Variants in LARP4 observed in about 807,000 individuals in gnomAD.
LARP4 encodes la-related protein 4.
A neutral mutation model predicts 92.9 loss-of-function variants in LARP4; 29 were observed. The observed-to-expected ratio is 0.31, with a 90% CI of 0.23 to 0.43. LARP4 has a LOEUF of 0.43. Ranked by LOEUF, LARP4 falls within the 20% of genes least tolerant of loss-of-function variation. LARP4 has a pLI of 1.00. For missense variants in LARP4, 732 were observed against 860.0 expected (o/e 0.85, Z 1.86); for synonymous variants, 279 against 284.1 (o/e 0.98, Z 0.18).
At chr12:50,467,386 G>A (rs1956284166) in intron 13 of LARP4, among the ~76,000 whole-genome samples, 1 of 151,008 alleles carries the variant, frequency 6.6e-6, no homozygotes. Context: ...TACCTCCTTG[G>A]TTCAAGTGAT....
At chr12:50,421,161 G>A in intron 1 of LARP4, 1 of 246,562 alleles carries the variant, frequency 4.1e-6, no homozygotes, top group Non-Finnish European at 6.4e-6. Context: ...ATGTTGGCTA[G>A]GCTGGTCTCG....
chr12:50,428,962 G>A lies in LARP4; in HGVS notation c.194G>A (p.Cys65Tyr). Residue 65 changes from cysteine (C) to tyrosine (Y), a missense_variant, in exon 3 of 16, where the codon TGT becomes TAT. Cys to Tyr is a radical substitution (Grantham distance 194). Transcript: ENST00000398473. ...AATGCAGAGCTCTCAGAAGATATATGTAAAGAATATGAAGTAATGTATTCT... is the reference window on the plus strand; with the variant it reads ...AATGCAGAGCTCTCAGAAGATATATATAAAGAATATGAAGTAATGTATTCT... The part of the protein sequence containing the change: ...EGNAELSEDI[C>Y]KEYEVMYSSS... The A allele has an allele frequency of 6.2e-7, 1 of 1,600,692 alleles. No homozygotes were observed. Among genetic ancestry groups the A allele is most frequent in the African/African-American group, 1.3e-5 (1 of 74,654 alleles).
chr12:50,425,454 A>G (rs1231970528), intron 1 of LARP4, among the ~76,000 whole-genome samples: 2 of 152,216 alleles, frequency 1.3e-5, no homozygotes, highest in Admixed American at 1.3e-4. Context: ...GTATGTAAAT[A>G]CATGCATTTT....
intron 5 of LARP4, 96 bp from the exon 6 acceptor site, chr12:50,437,639 T>C: frequency 1.5e-6 from 1 of 664,316 alleles, no homozygotes; most frequent in South Asian, 2.3e-5. Flanking sequence ...TCTGCAAATT[T>C]ACTCAGTTGG....
intron 12 of LARP4, among the ~76,000 whole-genome samples, chr12:50,463,963 C>G (rs1201927950): frequency 6.6e-6 from 1 of 152,106 alleles, no homozygotes; most frequent in East Asian, 1.9e-4. Flanking sequence ...TGCCATACAT[C>G]CTCTGAAATT....
intron 1 of LARP4, among the ~76,000 whole-genome samples, chr12:50,413,055 C>T (rs1946178213): frequency 6.6e-6 from 1 of 151,950 alleles, no homozygotes; most frequent in Non-Finnish European, 1.5e-5. Context: ...AACCCCGTCT[C>T]TACTAAAAAT....
chr12:50,438,528 C>A (rs1199543858), intron 6 of LARP4, among the ~76,000 whole-genome samples: 1 of 151,604 alleles, frequency 6.6e-6, no homozygotes, highest in African/African-American at 2.4e-5. Context: ...CAGGACTAAC[C>A]CTATTGTTCA....
Position 50,454,386 on chromosome 12 carries a change from A to G in LARP4, c.1090A>G (p.Met364Val), listed in dbSNP as rs775616209. 1.2e-5 allele frequency: 20 copies of G among 1,613,448 alleles called. No homozygotes were observed. The highest frequency in any genetic ancestry group is 1.3e-5 in the African/African-American group (1 of 74,908). The change falls in exon 10 of 16, where the codon ATG becomes GTG. Residue 364 changes from methionine to valine, a missense_variant. Around this residue, in one of 7 missense-constraint regions of LARP4, gnomAD observed 264 missense variants for 269.5 expected, o/e 0.98. Transcript: ENST00000398473. ...PGSYKTNAAA[M>V]NMGRPFQKNR... ...ATCTTATAAAACAAATGCTGCTGCT[A>G]TGAATATGGGTCGACCATTCCAAAA...
intron 5 of LARP4, 117 bp downstream of exon 5, chr12:50,435,741 G>T (rs1950306501): frequency 9.4e-5 from 62 of 662,040 alleles, no homozygotes; most frequent in South Asian, 4.7e-4. Flanking sequence ...TTATTTTGTT[G>T]TTTTGTTCCG....
At chr12:50,438,268 G>A (rs555464499) in intron 6 of LARP4, among the ~76,000 whole-genome samples, 1 of 152,202 alleles carries the variant, frequency 6.6e-6, no homozygotes, top group East Asian at 1.9e-4. Flanking sequence ...GGAGGCTGAG[G>A]CAGGCGGATC....
rs1454913593 is a variant in LARP4, at chr12:50,454,357, C to T, written c.1061C>T (p.Pro354Leu). ...AGTTTTGTGAATGGCTTTAATTCGC[C>T]AGGATCTTATAAAACAAATGCTGCT... The part of the protein sequence containing the change: ...NGSFVNGFNS[P>L]GSYKTNAAAM... Residue 354 changes from proline (P) to leucine (L), a missense_variant, in exon 10 of 16, where the codon CCA (proline) becomes CTA (leucine). Around this residue, in one of 7 missense-constraint regions of LARP4, gnomAD observed 264 missense variants for 269.5 expected, o/e 0.98. Transcript: ENST00000398473. 6.2e-7 allele frequency: 1 copy of T among 1,613,402 alleles called. No individual in the cohort carries two copies. The highest frequency in any genetic ancestry group is 1.7e-5 in the Admixed American group (1 of 59,898).
At chr12:50,454,495 G>T (rs1953861461) in intron 10 of LARP4, 78 bp downstream of exon 10, 38 of 1,055,530 alleles carry the variant, frequency 3.6e-5, no homozygotes, top group Non-Finnish European at 5.2e-5. Flanking sequence ...AATGTTTGTT[G>T]TCAGGCTCAG....
chr12:50,460,303 G>A (rs945171556), intron 10 of LARP4, among the ~76,000 whole-genome samples: 45 of 152,008 alleles, frequency 3.0e-4, no homozygotes, highest in African/African-American at 7.5e-4. Flanking sequence ...ATTTTCCCCC[G>A]TCTCTCCAAA....
chr12:50,401,219 G>A (rs759458111), intron 1 of LARP4, 191 bp downstream of exon 1: 61 of 683,422 alleles, frequency 8.9e-5, no homozygotes, highest in Non-Finnish European at 1.0e-4. Context: ...GAAGCTATGG[G>A]AGGTGAGGCC....
chr12:50,430,825 C>T (rs1949541465), intron 4 of LARP4, among the ~76,000 whole-genome samples: 1 of 151,922 alleles, frequency 6.6e-6, no homozygotes, highest in Admixed American at 6.6e-5. Context: ...CCATGCCCAG[C>T]TAATATTTGT....
chr12:50,430,570 G>A lies in LARP4; in HGVS notation c.398G>A (p.Arg133Gln), dbSNP rs1306719325. 6.3e-7 allele frequency: 1 copy of A among 1,577,158 alleles called. No homozygotes were observed. Among genetic ancestry groups the A allele is most frequent in the Non-Finnish European group, 8.7e-7 (1 of 1,150,744 alleles). The change falls in exon 4 of 16, where the codon CGA becomes CAA. Residue 133 changes from arginine to glutamine, a missense_variant and splice_region_variant. Physicochemically the swap from Arg to Gln is conservative, Grantham distance 43. Coordinates refer to ENST00000398473, the MANE Select transcript of LARP4 (RefSeq NM_052879.5). ...LKKQLEFCFS[R>Q]ENLSKDLYLI... ...AAACAATTAGAATTCTGTTTTTCACGGTATTGCTGTTTCCCCTTTATTGAA... is the reference window on the plus strand; with the variant it reads ...AAACAATTAGAATTCTGTTTTTCACAGTATTGCTGTTTCCCCTTTATTGAA...
At chr12:50,463,781 G>A (rs1006799779) in intron 12 of LARP4, among the ~76,000 whole-genome samples, 2 of 152,072 alleles carry the variant, frequency 1.3e-5, no homozygotes, top group African/African-American at 2.4e-5. Context: ...TCTGGAGGAC[G>A]GTGGCCCTCT....
chr12:50,435,723 C>G (rs1203717075), intron 5 of LARP4, 99 bp downstream of exon 5: 3 of 821,402 alleles, frequency 3.7e-6, no homozygotes, highest in Non-Finnish European at 5.6e-6. Context: ...TGCCCCCTCC[C>G]CACACCCTTA....
rs1379583534 is a variant in LARP4, at chr12:50,471,866, C to T, written c.1546-1549C>T. ...GAAACAGACTCATATATTTTTTTTA[C>T]ACATTCTGTGCACTAATCCTTTGTC... On this transcript the variant is annotated intron_variant, in intron 13 of 15. Transcript: ENST00000398473. Among the ~76,000 whole-genome samples the T allele has an allele frequency of 4.6e-5, 7 of 152,262 alleles. No homozygotes were observed. The East Asian group carries it at 1.2e-3, about 25-fold the overall frequency.
Sources: gnomAD v4.1 joint callset for allele counts (sites outside exome capture counted in the v4.1 genomes callset) on GRCh38, gnomAD v4.1.1 for gene constraint, gnomAD v4.1.1 regional missense constraint, MANE v1.5 for transcripts, NCBI Gene and HGNC (gene_info 2026-07-23, HGNC 2026-07-21) for gene names.